The following FTO variants were observed in gnomAD, a reference collection of about 807,000 sequenced individuals.
FTO encodes the protein FTO alpha-ketoglutarate dependent dioxygenase.
FTO carries 47 observed loss-of-function variants against 63.9 expected under a neutral mutation model. The observed-to-expected ratio is 0.74, with a 90% CI of 0.58 to 0.94. The LOEUF (loss-of-function observed/expected upper bound fraction) is 0.94, where lower values mean the gene tolerates loss of function less well. FTO is among the 40% of genes least tolerant of loss of function. FTO has a pLI of 0.00. For synonymous variants in FTO, 207 were observed against 224.4 expected (o/e 0.92, Z 0.69); for missense variants, 562 against 618.1 (o/e 0.91, Z 0.96).
intron 1 of FTO, among the ~76,000 whole-genome samples, chr16:53,804,353 C>G (rs2078299382): frequency 6.6e-6 from 1 of 152,186 alleles, no homozygotes; most frequent in African/African-American, 2.4e-5. Context: ...CTCTATGAAA[C>G]AGTGTCCTTA....
intron 8 of FTO, among the ~76,000 whole-genome samples, chr16:54,003,948 T>C (rs2084132818): frequency 6.6e-6 from 1 of 152,194 alleles, no homozygotes; most frequent in Admixed American, 6.5e-5. Flanking sequence ...CTCTCTGTCC[T>C]TTTAGTCCCT....
At chr16:54,062,386 A>T (rs1368684577) in intron 8 of FTO, among the ~76,000 whole-genome samples, 1 of 152,050 alleles carries the variant, frequency 6.6e-6, no homozygotes, top group Non-Finnish European at 1.5e-5. Flanking sequence ...TGCGGCAGGA[A>T]AGTGACAGAC....
At chr16:53,990,205 G>A (rs2143895394) in intron 8 of FTO, among the ~76,000 whole-genome samples, 1 of 152,206 alleles carries the variant, frequency 6.6e-6, no homozygotes, top group Middle Eastern at 3.4e-3. Context: ...AGTGTTATTG[G>A]AGCTCAGGTA....
chr16:53,968,223 G>T (rs1338977321), intron 8 of FTO, among the ~76,000 whole-genome samples: 1 of 152,154 alleles, frequency 6.6e-6, no homozygotes, highest in East Asian at 1.9e-4. Context: ...AGACAAGGAA[G>T]CTCACTGTGA....
At chr16:53,813,404 G>C (rs562320245) in intron 2 of FTO, among the ~76,000 whole-genome samples, 1 of 152,088 alleles carries the variant, frequency 6.6e-6, no homozygotes, top group South Asian at 2.1e-4. Context: ...TAGAGATGGG[G>C]TTTCACCATG....
In FTO at chr16:54,035,754, T is replaced by A. The variant is rs183050425; in HGVS notation, c.1365-76008T>A. ...ATACTGACAAACCCAAGAATATTCT[T>A]CAGGTTTGTGCTTTTAAATTAAATA... On this transcript the variant is annotated intron_variant, in intron 8 of 8. Transcript: ENST00000471389. Among the ~76,000 whole-genome samples, 16 of 152,318 alleles carry A rather than the reference T, an allele frequency of 1.1e-4. No homozygotes were observed. The East Asian group carries it at 3.1e-3, about 29-fold the overall frequency.
At chr16:53,954,588 G>A (rs2082877908) in intron 8 of FTO, among the ~76,000 whole-genome samples, 1 of 152,126 alleles carries the variant, frequency 6.6e-6, no homozygotes, top group Admixed American at 6.5e-5. Context: ...GGGTGCACAG[G>A]GGATGCATTC....
chr16:53,941,895 T>C (rs528484325), intron 8 of FTO, among the ~76,000 whole-genome samples: 8 of 152,208 alleles, frequency 5.3e-5, no homozygotes, highest in Non-Finnish European at 1.0e-4. Flanking sequence ...CATTAAGCTA[T>C]CTCTTCCATT....
At chr16:53,806,650 T>C (rs987576102) in intron 1 of FTO, among the ~76,000 whole-genome samples, 2 of 152,228 alleles carry the variant, frequency 1.3e-5, no homozygotes, top group Non-Finnish European at 2.9e-5. Flanking sequence ...CTAATCTTAT[T>C]GTTTTATTGA....
At chr16:54,013,802 T>C (rs191469582) in intron 8 of FTO, among the ~76,000 whole-genome samples, 103 of 152,372 alleles carry the variant, frequency 6.8e-4, no homozygotes, top group African/African-American at 2.1e-3. Context: ...GCAATAGCAT[T>C]ATGTCTAAAA....
intron 1 of FTO, among the ~76,000 whole-genome samples, chr16:53,732,638 C>A (rs1429534011): frequency 6.6e-6 from 1 of 152,150 alleles, no homozygotes; most frequent in African/African-American, 2.4e-5. Context: ...GACCCACTTT[C>A]CCTTCTGATA....
At chr16:53,728,842 A>C (rs535671047) in intron 1 of FTO, among the ~76,000 whole-genome samples, 1 of 149,564 alleles carries the variant, frequency 6.7e-6, no homozygotes, top group South Asian at 2.1e-4. Context: ...GGCTTATAGC[A>C]ACATCTGCCT....
intron 8 of FTO, among the ~76,000 whole-genome samples, chr16:54,020,656 A>AGAT (rs1424299789): frequency 4.6e-5 from 7 of 152,216 alleles, no homozygotes; most frequent in Non-Finnish European, 1.0e-4. Context: ...AGATGGATCA[A>AGAT]GATGATTATA....
chr16:53,865,553 T>C (rs542031101), intron 4 of FTO, among the ~76,000 whole-genome samples: 1 of 152,170 alleles, frequency 6.6e-6, no homozygotes, highest in South Asian at 2.1e-4. Flanking sequence ...ACCCCAAGAG[T>C]TGTTCTTGAG....
intron 1 of FTO, among the ~76,000 whole-genome samples, chr16:53,769,074 G>A (rs1471212346): frequency 6.6e-6 from 1 of 152,108 alleles, no homozygotes; most frequent in Non-Finnish European, 1.5e-5. Flanking sequence ...TGTGGTGGGC[G>A]CCTTTTGAAA....
chr16:54,093,544 C>G (rs1207447767), intron 8 of FTO, among the ~76,000 whole-genome samples: 3 of 152,214 alleles, frequency 2.0e-5, no homozygotes, highest in Non-Finnish European at 2.9e-5. Flanking sequence ...CAGCTGACCC[C>G]ACTCCTGTAA....
intron 8 of FTO, among the ~76,000 whole-genome samples, chr16:53,969,622 A>G (rs376463485): frequency 2.1e-4 from 32 of 152,304 alleles, no homozygotes; most frequent in Middle Eastern, 3.4e-3. Context: ...TCTTTATGCA[A>G]TAGATGTGAC....
At chr16:54,004,004 A>ATAC (rs1419336927) in intron 8 of FTO, among the ~76,000 whole-genome samples, 1 of 152,146 alleles carries the variant, frequency 6.6e-6, no homozygotes, top group African/African-American at 2.4e-5. Context: ...TGACTAGTGT[A>ATAC]TACTACCTTA....
In FTO at chr16:53,826,093, G is replaced by A. The variant is rs2078998743; in HGVS notation, c.353G>A (p.Trp118Ter). 1 of 1,614,006 alleles carries A rather than the reference G, an allele frequency of 6.2e-7. No homozygotes were observed. ...AACACCAGGCTCTTTACGGTCCCCT[G>A]GCCAGTGAAAGGGTCTAATATAAAA... is the stretch of plus-strand genomic sequence containing the variant. ...YLNTRLFTVP[W>*]PVKGSNIKHT... Residue 118 changes from tryptophan to a stop codon, truncating the protein, a stop_gained, in exon 3 of 9, where the codon TGG becomes TAG. Coordinates refer to ENST00000471389, the MANE Select transcript of FTO (RefSeq NM_001080432.3). LOFTEE classifies it high-confidence loss of function.
Sources: allele counts gnomAD v4.1 joint callset (sites outside exome capture counted in the v4.1 genomes callset), GRCh38; gene constraint gnomAD v4.1.1; transcripts MANE v1.5; gene names NCBI Gene and HGNC (gene_info 2026-07-23, HGNC 2026-07-21).